C1D: variants seen among roughly 807,000 people sequenced by gnomAD.
C1D encodes the protein C1D nuclear receptor corepressor, also known as nuclear nucleic acid-binding protein C1D.
In C1D, 10 loss-of-function variants were observed where a neutral mutation model predicts 17.5. That is an observed-to-expected ratio of 0.57 (90% CI 0.35 to 0.97). The LOEUF (loss-of-function observed/expected upper bound fraction) is 0.97, where lower values mean the gene tolerates loss of function less well. C1D is among the 50% of genes least tolerant of loss of function. The pLI is 0.01. For missense variants in C1D, 136 were observed against 160.1 expected, an observed-to-expected ratio of 0.85 and a Z score of 0.81; for synonymous variants, 49 against 54.0, an observed-to-expected ratio of 0.91 and a Z score of 0.40.
rs1266566607 is a variant in C1D, at chr2:68,053,221, C to A, written c.-9-5902G>T. The A allele has an allele frequency of 2.1e-5, 33 of 1,546,916 alleles. No homozygotes were observed. The Middle Eastern group carries it at 5.0e-4, about 24-fold the overall frequency. ...AGTAAGGTGTGGCTGAGACTGAGTA[C>A]CTGGGTTGCGGGGATGCTGCCCAGT... On this transcript the variant is annotated intron_variant, in intron 1 of 4. Transcript: ENST00000410067.
chr2:68,060,153 A>G (rs1251732313), intron 1 of C1D, among the ~76,000 whole-genome samples: 1 of 152,224 alleles, frequency 6.6e-6, no homozygotes, highest in African/African-American at 2.4e-5. Context: ...TTCAATCTGT[A>G]AGCAATTCTG....
intron 1 of C1D, among the ~76,000 whole-genome samples, chr2:68,048,499 T>C (rs977079550): frequency 1.3e-5 from 2 of 152,180 alleles, no homozygotes; most frequent in African/African-American, 4.8e-5. Flanking sequence ...ATCTGTAAAG[T>C]TCCTTATAGT....
chr2:68,043,208 G>A (rs1389590110), intron 4 of C1D, among the ~76,000 whole-genome samples, 155 bp from the exon 5 acceptor site: 2 of 152,056 alleles, frequency 1.3e-5, no homozygotes, highest in Non-Finnish European at 2.9e-5. Context: ...GGATAAATAC[G>A]CTCCCTGCTT....
At position 68,056,046 on chromosome 2, in the gene C1D, T is replaced by C. The variant is rs139725172; in HGVS notation, c.-10+6912A>G. Among the ~76,000 whole-genome samples, 1,008 of 152,336 alleles carry C rather than the reference T, an allele frequency of 6.6e-3. 5 individuals are homozygous for C. The highest frequency in any genetic ancestry group is 0.012 in the Non-Finnish European group (803 of 68,026). On this transcript the variant is annotated intron_variant, in intron 1 of 4. Transcript: ENST00000410067. ...ACATCTGTGATAGTTGCTGAACATA[T>C]AGTCTCAAATGAAGTTTGTATTACT... is the stretch of plus-strand genomic sequence containing the variant.
Position 68,042,853 on chromosome 2 carries a change from G to GGGGGTTT in C1D, c.*35_*36insAAACCCC. On this transcript the variant is annotated 3_prime_UTR_variant, in exon 5 of 5. Transcript: ENST00000410067. ...CGGGGGGGGGGGGGGGGGGGAAGAT[G>GGGGGTTT]TACTTTTTGAATATGTGTACATCAA... 6.1e-6 allele frequency: 2 copies of GGGGGTTT among 328,364 alleles called. No homozygotes were observed. Among genetic ancestry groups the GGGGGTTT allele is most frequent in the South Asian group, 3.0e-5 (1 of 33,398 alleles). 20.3% of individuals were successfully genotyped at this position (328,364 alleles called of 1,614,324 possible). A position where few individuals can be genotyped will look rare whatever the true frequency, so the allele number is the denominator to read the frequency against.
rs1281469121 is a variant in C1D at position 68,041,605 on chromosome 2, T to C, written c.*1284A>G. 1 of 152,076 alleles carries C rather than the reference T, an allele frequency of 6.6e-6. No individual in the cohort carries two copies. The highest frequency in any genetic ancestry group is 1.5e-5 in the Non-Finnish European group (1 of 67,890). 9.4% of individuals were successfully genotyped at this position (152,076 alleles called of 1,614,324 possible). A position where few individuals can be genotyped will look rare whatever the true frequency, so the allele number is the denominator to read the frequency against. On this transcript the variant is annotated 3_prime_UTR_variant, in exon 5 of 5. Coordinates refer to ENST00000410067, the MANE Select transcript of C1D (RefSeq NM_173177.3). ...AAGACCTTCTGCGTCTATCAGTGAC[T>C]TCCTCTTCATGTGTCATAGAAAGAG... is the stretch of plus-strand genomic sequence containing the variant.
At position 68,045,928 on chromosome 2, in the gene C1D, G is replaced by A. The variant is rs186256905; in HGVS notation, c.261+60C>T. 7.7e-4 allele frequency: 895 copies of A among 1,163,124 alleles called. 3 individuals are homozygous for A. In the African/African-American group the frequency reaches 0.013, roughly 17 times the overall value. The allele number at this position is 1,163,124 out of a possible 1,614,324, so 72.1% of individuals were successfully genotyped here. A position where few individuals can be genotyped will look rare whatever the true frequency, so the allele number is the denominator to read the frequency against. On this transcript the variant is annotated intron_variant, in intron 4 of 4. Coordinates refer to ENST00000410067, the MANE Select transcript of C1D (RefSeq NM_173177.3). ...CCCTAATTTGTGTGACAAAGGTAGT[G>A]TGACAAACCTCAGGAATACAACAAC...
At chr2:68,043,220 C>T (rs1324999254) in intron 4 of C1D, among the ~76,000 whole-genome samples, 167 bp from the exon 5 acceptor site, 1 of 152,124 alleles carries the variant, frequency 6.6e-6, no homozygotes, top group African/African-American at 2.4e-5. Context: ...TCCCTGCTTG[C>T]CTGGAGTTCA....
chr2:68,045,393 A>G (rs567072215), intron 4 of C1D, among the ~76,000 whole-genome samples: 2 of 152,334 alleles, frequency 1.3e-5, no homozygotes, highest in South Asian at 2.1e-4. Context: ...TAATTTTTGA[A>G]GTCAGCAAAA....
chr2:68,057,639 GAATAA>G (rs1284083016), intron 1 of C1D, among the ~76,000 whole-genome samples: 2 of 152,038 alleles, frequency 1.3e-5, no homozygotes, highest in Non-Finnish European at 2.9e-5. Flanking sequence ...AATTTTTAAA[GAATAA>G]AATATGTAAC....
intron 1 of C1D, 77 bp from the exon 2 acceptor site, chr2:68,047,396 G>T: frequency 9.2e-7 from 1 of 1,081,276 alleles, no homozygotes; most frequent in South Asian, 2.0e-5. Flanking sequence ...AAAATCAATA[G>T]GTCATATCAT....
intron 1 of C1D, among the ~76,000 whole-genome samples, chr2:68,054,049 G>A (rs1671362384): frequency 6.6e-6 from 1 of 152,076 alleles, no homozygotes. Flanking sequence ...GCTCCTTGAG[G>A]GGCTGTGTCA....
chr2:68,049,738 A>T (rs549945543), intron 1 of C1D, among the ~76,000 whole-genome samples: 1 of 152,348 alleles, frequency 6.6e-6, no homozygotes, highest in South Asian at 2.1e-4. Context: ...CAAATGAATT[A>T]AAAATGTAAA....
At chr2:68,047,731 A>AT (rs1671172517) in intron 1 of C1D, among the ~76,000 whole-genome samples, 1 of 152,158 alleles carries the variant, frequency 6.6e-6, no homozygotes, top group African/African-American at 2.4e-5. Flanking sequence ...TGCCCAGGTA[A>AT]TTTTTTTGTA....
intron 1 of C1D, among the ~76,000 whole-genome samples, chr2:68,048,778 C>T (rs1332871487): frequency 6.6e-6 from 1 of 152,106 alleles, no homozygotes; most frequent in Non-Finnish European, 1.5e-5. Flanking sequence ...GCACTTGCCG[C>T]TCATCCCTCC....
At chr2:68,048,817 T>C (rs938654208) in intron 1 of C1D, among the ~76,000 whole-genome samples, 1 of 151,662 alleles carries the variant, frequency 6.6e-6, no homozygotes, top group African/African-American at 2.4e-5. Flanking sequence ...ACAGATGAAA[T>C]AGAAAAACAT....
chr2:68,044,590 T>C (rs545635953), intron 4 of C1D, among the ~76,000 whole-genome samples: 1 of 152,020 alleles, frequency 6.6e-6, no homozygotes, highest in African/African-American at 2.4e-5. Context: ...CGCCTGTAAT[T>C]CCAGCTACTC....
chr2:68,059,583 AT>A (rs1363710009), intron 1 of C1D, among the ~76,000 whole-genome samples: 3 of 152,154 alleles, frequency 2.0e-5, no homozygotes, highest in Admixed American at 6.5e-5. Flanking sequence ...ATTATCACAT[AT>A]CTATCAATAA....
intron 4 of C1D, among the ~76,000 whole-genome samples, chr2:68,045,647 A>C (rs1294584548): frequency 6.6e-6 from 1 of 152,128 alleles, no homozygotes; most frequent in Non-Finnish European, 1.5e-5. Context: ...TTTGCTAGTA[A>C]ATCAACTAGA....
Sources: allele counts gnomAD v4.1 joint callset (sites outside exome capture counted in the v4.1 genomes callset), GRCh38; gene constraint gnomAD v4.1.1; transcripts MANE v1.5; gene names NCBI Gene and HGNC (gene_info 2026-07-23, HGNC 2026-07-21).